Variants in PHACTR2 observed in about 807,000 individuals in gnomAD.
PHACTR2 encodes the protein chromosome 6 open reading frame 56.
In PHACTR2, 30 loss-of-function variants were observed where a neutral mutation model predicts 76.0. The observed-to-expected ratio is 0.39, with a 90% CI of 0.30 to 0.54. The LOEUF is 0.54. PHACTR2 is among the 20% of genes least tolerant of loss of function. The probability of loss-of-function intolerance (pLI) is 0.61; values close to 1 mark genes in which losing one functional copy is unlikely to be tolerated. For synonymous variants in PHACTR2, 292 were observed against 292.5 expected (o/e 1.00, Z 0.02); for missense variants, 696 against 781.1 (o/e 0.89, Z 1.30).
Position 143,547,315 on chromosome 6 carries a change from A to G in PHACTR2, c.217+10108A>G, listed in dbSNP as rs1005208410. ...ACTGTCACTGAGGAAGATTTGAAAA[A>G]GCATTCCATAAATGGCAGTAACAGT... On this transcript the variant is annotated intron_variant, in intron 1 of 11. Transcript: ENST00000367584. The surrounding 1 kb of genome is among the most constrained non-coding windows in gnomAD (Gnocchi z 4.2). Among the ~76,000 whole-genome samples, 4 of 152,216 alleles carry G rather than the reference A, an allele frequency of 2.6e-5. No homozygotes were observed. Among genetic ancestry groups the G allele is most frequent in the African/African-American group, 7.2e-5 (3 of 41,454 alleles).
rs1776844668 is a variant in PHACTR2 at position 143,656,076 on chromosome 6, G to A, written c.13+47754G>A. Among the ~76,000 whole-genome samples, 1 of 152,210 alleles carries A rather than the reference G, an allele frequency of 6.6e-6. No homozygotes were observed. Among genetic ancestry groups the A allele is most frequent in the South Asian group, 2.1e-4 (1 of 4,836 alleles). On this transcript the variant is annotated intron_variant, in intron 1 of 11. Transcript: ENST00000305766. The surrounding 1 kb of genome is among the most constrained non-coding windows in gnomAD (Gnocchi z 5.3). ...ATATTTAAAAGAAGCATCAGTGGAG[G>A]GAAGGGTAAATCGTGGGATAAAATA...
intron 5 of PHACTR2, among the ~76,000 whole-genome samples, chr6:143,762,677 C>A (rs1779469216): frequency 6.6e-6 from 1 of 152,144 alleles, no homozygotes; most frequent in South Asian, 2.1e-4. Flanking sequence ...ATGTTCAGCC[C>A]AGTGATTTAA....
intron 1 of PHACTR2, among the ~76,000 whole-genome samples, chr6:143,702,773 C>CTTTTTTTTTTT (rs1190039194): frequency 1.5e-4 from 15 of 100,130 alleles, no homozygotes; most frequent in African/African-American, 5.0e-4. Flanking sequence ...ATATATACAA[C>CTTTTTTTTTTT]TTTTTTTTTT....
In PHACTR2 at chr6:143,669,929, C is replaced by G. The variant is rs1439702250; in HGVS notation, c.14-42087C>G. On this transcript the variant is annotated intron_variant, in intron 1 of 11. Transcript: ENST00000305766. ...TAGTTATATAGCCTGTTAGTTGATGCAGTTTGTTCATAGTGTCGATGGACT... is the reference window on the plus strand; with the variant it reads ...TAGTTATATAGCCTGTTAGTTGATGGAGTTTGTTCATAGTGTCGATGGACT... 2.0e-5 allele frequency among the ~76,000 whole-genome samples: 3 copies of G among 152,242 alleles called. No homozygotes were observed. In the East Asian group the frequency reaches 5.8e-4, roughly 29 times the overall value.
rs1235005902 is a variant in PHACTR2, at chr6:143,826,486, T to C, written c.*2797T>C. 6.6e-6 allele frequency: 1 copy of C among 152,182 alleles called. No homozygotes were observed. The highest frequency in any genetic ancestry group is 2.4e-5 in the African/African-American group (1 of 41,448). The allele number at this position is 152,182 out of a possible 1,614,324, so 9.4% of individuals were successfully genotyped here. A position where few individuals can be genotyped will look rare whatever the true frequency, so the allele number is the denominator to read the frequency against. On this transcript the variant is annotated 3_prime_UTR_variant, in exon 13 of 13. Transcript: ENST00000440869. Reference sequence around the variant, plus strand: ...GAGGAAGTAAGTGGGTTTTCCTGAGTTCCCAAGATATGATTAAGGAAGAAA... The same window carrying C: ...GAGGAAGTAAGTGGGTTTTCCTGAGCTCCCAAGATATGATTAAGGAAGAAA...
In PHACTR2 at chr6:143,791,571, C is replaced by A. The variant is rs1775690657; in HGVS notation, c.1845+2661C>A. 6.6e-6 allele frequency among the ~76,000 whole-genome samples: 1 copy of A among 152,088 alleles called. No homozygotes were observed. Among genetic ancestry groups the A allele is most frequent in the Non-Finnish European group, 1.5e-5 (1 of 68,010 alleles). ...ATGTGTTCTATGGTTTGAGGGTGTG[C>A]AAATTTTCCTGTAAGATCAATCTTG... On this transcript the variant is annotated intron_variant, in intron 11 of 12. Transcript: ENST00000440869. The surrounding 1 kb of genome is among the most constrained non-coding windows in gnomAD (Gnocchi z 4.7).
chr6:143,702,415 T>C (rs1196798860), intron 1 of PHACTR2, among the ~76,000 whole-genome samples: 1 of 152,176 alleles, frequency 6.6e-6, no homozygotes, highest in African/African-American at 2.4e-5. Context: ...CCTGCTTTTT[T>C]GTTTTTTACA....
intron 1 of PHACTR2, among the ~76,000 whole-genome samples, chr6:143,545,458 G>A (rs1774971500): frequency 6.6e-6 from 1 of 152,188 alleles, no homozygotes; most frequent in African/African-American, 2.4e-5. Flanking sequence ...CAAGAGTGTA[G>A]GCAAACGAAG....
chr6:143,802,900 T>C (rs985090162), intron 11 of PHACTR2, among the ~76,000 whole-genome samples: 1 of 152,328 alleles, frequency 6.6e-6, no homozygotes, highest in East Asian at 1.9e-4. Flanking sequence ...ATTTCTTTAA[T>C]TGCCTGTAGT....
At chr6:143,586,129 G>A (rs183494688) in intron 1 of PHACTR2, among the ~76,000 whole-genome samples, 5 of 152,282 alleles carry the variant, frequency 3.3e-5, no homozygotes, top group African/African-American at 4.8e-5. Context: ...GAAGACAGAC[G>A]ATCATCTATT....
chr6:143,680,489 A>G lies in PHACTR2; in HGVS notation c.46+2280A>G, dbSNP rs1002857719. On this transcript the variant is annotated intron_variant, in intron 1 of 12. Coordinates refer to ENST00000440869, the MANE Select transcript of PHACTR2 (RefSeq NM_001100164.2). This position sits in a 1 kb window ranked among gnomAD's most constrained non-coding sequence, Gnocchi z 4.5. ...TCGCTCAATTTGGCCTTTTGTAAAA[A>G]TCTTCATTATAGGCTAGAAGTTAGC... Among the ~76,000 whole-genome samples the G allele has an allele frequency of 1.3e-5, 2 of 152,204 alleles. No homozygotes were observed. The highest frequency in any genetic ancestry group is 6.5e-5 in the Admixed American group (1 of 15,272).
chr6:143,820,284 CAA>C lies in PHACTR2; in HGVS notation c.1923-3388_1923-3387del, dbSNP rs1293651200. ...TCAAAATGCTTTCCCAAAAGTCCCC[CAA>C]AGTCTTAATTCATTCCAGCATTAAC... On this transcript the variant is annotated intron_variant, in intron 12 of 12. Transcript: ENST00000440869. This position sits in a 1 kb window ranked among gnomAD's most constrained non-coding sequence, Gnocchi z 4.2. 6.6e-6 allele frequency among the ~76,000 whole-genome samples: 1 copy of C among 152,200 alleles called. No homozygotes were observed. Among genetic ancestry groups the C allele is most frequent in the Non-Finnish European group, 1.5e-5 (1 of 68,032 alleles).
intron 1 of PHACTR2, among the ~76,000 whole-genome samples, chr6:143,643,972 A>C (rs1776610512): frequency 6.6e-6 from 1 of 152,182 alleles, no homozygotes; most frequent in Non-Finnish European, 1.5e-5. Context: ...ATCAAAGAAG[A>C]AGCATCTGCC....
chr6:143,707,613 A>G (rs1477010947), intron 1 of PHACTR2, among the ~76,000 whole-genome samples: 1 of 152,226 alleles, frequency 6.6e-6, no homozygotes, highest in African/African-American at 2.4e-5. Flanking sequence ...AATAGTATAA[A>G]CATACAACAA....
At chr6:143,726,496 C>A (rs1778575098) in intron 2 of PHACTR2, among the ~76,000 whole-genome samples, 2 of 152,166 alleles carry the variant, frequency 1.3e-5, no homozygotes, top group Admixed American at 6.5e-5. Flanking sequence ...TACTTTAGAT[C>A]CCTCATATAA....
intron 1 of PHACTR2, among the ~76,000 whole-genome samples, chr6:143,545,538 C>G (rs114441509): frequency 6.6e-6 from 1 of 152,188 alleles, no homozygotes; most frequent in Non-Finnish European, 1.5e-5. Context: ...TCTATAGCAA[C>G]CCTGTGAGAG....
intron 1 of PHACTR2, among the ~76,000 whole-genome samples, chr6:143,665,538 GA>G (rs888951711): frequency 5.3e-5 from 8 of 152,120 alleles, no homozygotes; most frequent in African/African-American, 1.7e-4. Flanking sequence ...CAGTTGCTCA[GA>G]AAAAAATTTT....
At chr6:143,674,932 A>G (rs917177015), upstream of PHACTR2, among the ~76,000 whole-genome samples, 1 of 152,364 alleles carries the variant, frequency 6.6e-6, no homozygotes, top group Middle Eastern at 3.4e-3. The surrounding 1 kb of genome is among the most constrained non-coding windows in gnomAD (Gnocchi z 4.9). Context: ...AATGGTCCAG[A>G]TTGCCAATGT....
At chr6:143,716,096 T>A (rs1265754470) in intron 2 of PHACTR2, among the ~76,000 whole-genome samples, 1 of 151,714 alleles carries the variant, frequency 6.6e-6, no homozygotes, top group East Asian at 1.9e-4. Context: ...ACAGGGGAGG[T>A]TTGGGATGTC....
Sources: allele counts gnomAD v4.1 joint callset (sites outside exome capture counted in the v4.1 genomes callset), GRCh38; gene constraint gnomAD v4.1.1; non-coding constraint Gnocchi (gnomAD v3.1); transcripts MANE v1.5; gene names NCBI Gene and HGNC (gene_info 2026-07-23, HGNC 2026-07-21).